The following PPP2R2A variants were observed in gnomAD, a reference collection of about 807,000 sequenced individuals.
PPP2R2A encodes serine/threonine-protein phosphatase 2A 55 kDa regulatory subunit B alpha isoform.
Under a neutral mutation model 53.2 loss-of-function variants are expected in PPP2R2A, and 9 were observed. The observed-to-expected ratio is 0.17, with a 90% confidence interval of 0.10 to 0.30. The LOEUF is 0.30. Among genes scored for constraint, PPP2R2A ranks in the 10% least tolerant of loss-of-function variants. The pLI is 1.00. For synonymous variants in PPP2R2A, 169 were observed against 174.2 expected, an observed-to-expected ratio of 0.97 and a Z score of 0.23; for missense variants, 235 against 534.6, an observed-to-expected ratio of 0.44 and a Z score of 5.53.
intron 2 of PPP2R2A, among the ~76,000 whole-genome samples, chr8:26,336,491 T>C (rs996117267): frequency 6.6e-6 from 1 of 152,058 alleles, no homozygotes; most frequent in African/African-American, 2.4e-5. Flanking sequence ...CAAATCTCAA[T>C]TGTTTTACTG....
intron 4 of PPP2R2A, among the ~76,000 whole-genome samples, chr8:26,358,004 A>C (rs1804881208): frequency 6.6e-6 from 1 of 152,098 alleles, no homozygotes; most frequent in Non-Finnish European, 1.5e-5. Context: ...CTGCTGTAGA[A>C]CATAAGGATT....
At chr8:26,366,035 T>G in intron 8 of PPP2R2A, 1 of 293,432 alleles carries the variant, frequency 3.4e-6, no homozygotes, top group Non-Finnish European at 6.2e-6. Context: ...TTTCAAGTGT[T>G]TTTGGCCTGA....
intron 9 of PPP2R2A, among the ~76,000 whole-genome samples, chr8:26,366,668 C>T (rs1805395995): frequency 6.6e-6 from 1 of 152,022 alleles, no homozygotes; most frequent in Non-Finnish European, 1.5e-5. Flanking sequence ...TTCTGACATG[C>T]TAACCATTAA....
In PPP2R2A at chr8:26,293,722, G is replaced by A. The variant is rs1223826600; in HGVS notation, c.64G>A (p.Asp22Asn). 1.2e-6 allele frequency: 2 copies of A among 1,613,574 alleles called. No homozygotes were observed. The highest frequency in any genetic ancestry group is 4.5e-5 in the East Asian group (2 of 44,868). Residue 22 changes from aspartate (D) to asparagine (N), a missense_variant, in exon 2 of 10, where the codon GAT (aspartate) becomes AAT (asparagine). Asp to Asn is a conservative substitution (Grantham distance 23, BLOSUM62 1). This residue lies in a region of PPP2R2A where 51 missense variants were observed against 80.6 expected (regional missense o/e 0.63). Transcript: ENST00000380737. ...WCFSQVKGAV[D>N]DDVAEADIIS... ...TTTTTCTCAGGTGAAAGGAGCAGTAGATGATGATGTAGCAGAAGGTAAGAA... is the reference window on the plus strand; with the variant it reads ...TTTTTCTCAGGTGAAAGGAGCAGTAAATGATGATGTAGCAGAAGGTAAGAA...
intron 2 of PPP2R2A, among the ~76,000 whole-genome samples, chr8:26,302,603 G>T (rs978956627): frequency 1.8e-4 from 27 of 152,290 alleles, no homozygotes; most frequent in African/African-American, 6.5e-4. Context: ...AGTATCAAAG[G>T]TATATCCATA....
intron 3 of PPP2R2A, among the ~76,000 whole-genome samples, chr8:26,345,239 G>C (rs1002038454): frequency 1.3e-5 from 2 of 152,020 alleles, no homozygotes; most frequent in African/African-American, 4.8e-5. Context: ...AGTAATTTTG[G>C]AATTAATTAT....
chr8:26,367,578 A>T (rs1016471258), intron 9 of PPP2R2A, among the ~76,000 whole-genome samples: 6 of 152,186 alleles, frequency 3.9e-5, no homozygotes, highest in African/African-American at 1.4e-4. Flanking sequence ...CACGTGTTCT[A>T]TTCTCTGTTT....
chr8:26,345,538 A>T (rs1027495768), intron 3 of PPP2R2A, among the ~76,000 whole-genome samples: 2 of 152,190 alleles, frequency 1.3e-5, no homozygotes, highest in African/African-American at 4.8e-5. Flanking sequence ...CACATACTGT[A>T]TAGTGAATAC....
chr8:26,291,563 C>CCGCCGT lies in PPP2R2A; in HGVS notation c.-253_-248dup. The CCGCCGT allele has an allele frequency of 3.7e-6, 2 of 535,766 alleles. No homozygotes were observed. The highest frequency in any genetic ancestry group is 3.5e-5 in the East Asian group (1 of 28,944). The allele number at this position is 535,766 out of a possible 1,614,324, so 33.2% of individuals were successfully genotyped here. ...TCGCCTGCCCCTGCCGCTGCCGCCG[C>CCGCCGT]CGCCGTCGCTGTCGTAGTCGCCGCC... is the stretch of plus-strand genomic sequence containing the variant. On this transcript the variant is annotated 5_prime_UTR_variant, in exon 1 of 10. Coordinates refer to ENST00000380737, the MANE Select transcript of PPP2R2A (RefSeq NM_002717.4).
At chr8:26,303,304 AT>A (rs1801872152) in intron 2 of PPP2R2A, among the ~76,000 whole-genome samples, 1 of 152,124 alleles carries the variant, frequency 6.6e-6, no homozygotes, top group Admixed American at 6.5e-5. Flanking sequence ...GAATAAAATA[AT>A]TTTTTACGGT....
At chr8:26,323,631 A>T (rs1045512125) in intron 2 of PPP2R2A, among the ~76,000 whole-genome samples, 1 of 152,236 alleles carries the variant, frequency 6.6e-6, no homozygotes, top group Non-Finnish European at 1.5e-5. Context: ...TTTAAAGGAT[A>T]CAAATGAACA....
intron 2 of PPP2R2A, among the ~76,000 whole-genome samples, chr8:26,303,404 C>G (rs549317389): frequency 2.6e-5 from 4 of 152,152 alleles, no homozygotes; most frequent in Non-Finnish European, 5.9e-5. Context: ...TTGCCTGCCT[C>G]GTCATTAGAA....
Position 26,335,815 on chromosome 8 carries a change from T to C in PPP2R2A, c.83-3075T>C, listed in dbSNP as rs1803627100. 3.9e-5 allele frequency among the ~76,000 whole-genome samples: 6 copies of C among 152,348 alleles called. No individual in the cohort carries two copies. The South Asian group carries it at 1.0e-3, about 26-fold the overall frequency. ...TCCTCACCCTACACAAGGGTCCCTC[T>C]TAAAATTCTTTACCTTTGCTACAAA... is the stretch of plus-strand genomic sequence containing the variant. On this transcript the variant is annotated intron_variant, in intron 2 of 9. Transcript: ENST00000380737.
At position 26,372,187 on chromosome 8, in the gene PPP2R2A, AAC is replaced by A. The variant is rs1286172148; in HGVS notation, c.*1778_*1779del. The A allele has an allele frequency of 6.6e-6, 1 of 152,222 alleles. No individual in the cohort carries two copies. Among genetic ancestry groups the A allele is most frequent in the Non-Finnish European group, 1.5e-5 (1 of 68,038 alleles). The allele number at this position is 152,222 out of a possible 1,614,324, so 9.4% of individuals were successfully genotyped here. On this transcript the variant is annotated 3_prime_UTR_variant, in exon 10 of 10. Coordinates refer to ENST00000380737, the MANE Select transcript of PPP2R2A (RefSeq NM_002717.4). Reference sequence around the variant, plus strand: ...TTGGATTTAACAAATTTGTATTTGAAACACATTCTATGTCTGATAATTCTTAA... The same window carrying A: ...TTGGATTTAACAAATTTGTATTTGAAACATTCTATGTCTGATAATTCTTAA...
chr8:26,293,091 CA>C (rs1801379629), intron 1 of PPP2R2A: 1 of 623,938 alleles, frequency 1.6e-6, no homozygotes, highest in Admixed American at 3.5e-5. Context: ...CTTCCTTTGA[CA>C]GTCTCTTTAG....
intron 2 of PPP2R2A, among the ~76,000 whole-genome samples, chr8:26,325,086 G>A (rs989387431): frequency 6.6e-6 from 1 of 151,140 alleles, no homozygotes; most frequent in African/African-American, 2.4e-5. Context: ...TTGGGGGACT[G>A]TTGGGAAGGC....
intron 2 of PPP2R2A, among the ~76,000 whole-genome samples, chr8:26,313,949 ACT>A (rs1310777716): frequency 2.0e-5 from 3 of 152,170 alleles, no homozygotes; most frequent in African/African-American, 7.2e-5. Context: ...GCCATAGGAA[ACT>A]CACGCAGGAG....
intron 2 of PPP2R2A, among the ~76,000 whole-genome samples, chr8:26,307,910 C>G (rs1273626344): frequency 6.6e-6 from 1 of 152,088 alleles, no homozygotes; most frequent in African/African-American, 2.4e-5. Flanking sequence ...ACTTCACAGC[C>G]CATGTACTAT....
At chr8:26,335,349 T>C (rs1263838375) in intron 2 of PPP2R2A, among the ~76,000 whole-genome samples, 1 of 152,206 alleles carries the variant, frequency 6.6e-6, no homozygotes, top group African/African-American at 2.4e-5. Context: ...CTGTATATGA[T>C]CTTTCTCTTC....
Sources: allele counts gnomAD v4.1 joint callset (sites outside exome capture counted in the v4.1 genomes callset), GRCh38; gene constraint gnomAD v4.1.1; regional missense constraint gnomAD v4.1.1; transcripts MANE v1.5; gene names NCBI Gene and HGNC (gene_info 2026-07-23, HGNC 2026-07-21).